ASPHD1: variants seen among roughly 807,000 people sequenced by gnomAD.
ASPHD1 encodes aspartate beta-hydroxylase domain containing 1, also known as aspartate beta-hydroxylase domain-containing protein 1.
In ASPHD1, 20 loss-of-function variants were observed where a neutral mutation model predicts 28.3. That is an observed-to-expected ratio of 0.71 (90% CI 0.50 to 1.03). The LOEUF is 1.03. ASPHD1 is among the 50% of genes least tolerant of loss of function. ASPHD1 has a pLI of 0.00. For synonymous variants in ASPHD1, 240 were observed against 221.2 expected (o/e 1.08, Z -0.75); for missense variants, 479 against 524.1 (o/e 0.91, Z 0.84).
rs774046142 is a variant in ASPHD1, at chr16:29,901,586, C to T, written c.615C>T (p.Ala205=). ...LPSAPFVPRD[A]QRHDVELLES... ...CAGCCCCCTTTGTGCCGCGGGACGCCCAGCGGCACGACGTGGAGCTCCTGG... is the reference window on the plus strand; with the variant it reads ...CAGCCCCCTTTGTGCCGCGGGACGCTCAGCGGCACGACGTGGAGCTCCTGG... The change falls in exon 1 of 3, where the codon GCC becomes GCT. Residue 205 remains alanine (A), a synonymous_variant. Transcript: ENST00000308748. The surrounding 1 kb of genome is among the most constrained non-coding windows in gnomAD (Gnocchi z 5.1). 1.3e-6 allele frequency: 2 copies of T among 1,543,100 alleles called. No homozygotes were observed. Among genetic ancestry groups the T allele is most frequent in the East Asian group, 2.3e-5 (1 of 44,390 alleles).
In ASPHD1 at chr16:29,904,064, G is replaced by C. The variant is rs537834059; in HGVS notation, c.950-788G>C. 2.4e-4 allele frequency among the ~76,000 whole-genome samples: 37 copies of C among 152,080 alleles called. No homozygotes were observed. The South Asian group carries it at 6.4e-3, about 26-fold the overall frequency. On this transcript the variant is annotated intron_variant, in intron 1 of 2. Coordinates refer to ENST00000308748, the MANE Select transcript of ASPHD1 (RefSeq NM_181718.4). The stretch of plus-strand genomic sequence containing the variant: ...CTCATCCCTGAAATACCAGCACTTT[G>C]GGAGGCCAAAGCAGGAGGATTGCTT...
intron 3 of ASPHD1, chr16:29,911,680 A>G: frequency 1.2e-6 from 1 of 854,808 alleles, no homozygotes; most frequent in Non-Finnish European, 1.8e-6. Flanking sequence ...CAGGGGTAAG[A>G]GGCGAAGCCG....
At position 29,904,977 on chromosome 16, in the gene ASPHD1, C is replaced by T; in HGVS notation, c.1063+12C>T. 6.3e-7 allele frequency: 1 copy of T among 1,595,502 alleles called. No individual in the cohort carries two copies. The highest frequency in any genetic ancestry group is 1.3e-5 in the African/African-American group (1 of 74,520). The stretch of plus-strand genomic sequence containing the variant: ...AGTGGCTCACAATGGTAACGGGGTG[C>T]CCATTCTGCAGGGGGGATGAGGGAC... On this transcript the variant is annotated intron_variant, in intron 2 of 2. Transcript: ENST00000308748.
At chr16:29,903,280 C>A (rs1011209050) in intron 1 of ASPHD1, among the ~76,000 whole-genome samples, 3 of 151,922 alleles carry the variant, frequency 2.0e-5, no homozygotes, top group Non-Finnish European at 2.9e-5. Flanking sequence ...CACTTGAACT[C>A]GGGAGGCGGA....
chr16:29,905,249 A>C (rs774618297), intron 2 of ASPHD1: 4 of 331,700 alleles, frequency 1.2e-5, no homozygotes, highest in Non-Finnish European at 1.7e-5. Flanking sequence ...TGGGCAAAGG[A>C]CTTAACCTCC....
chr16:29,911,747 C>A, intron 3 of ASPHD1: 1 of 1,572,630 alleles, frequency 6.4e-7, no homozygotes, highest in Non-Finnish European at 8.7e-7. Flanking sequence ...GTGGCCCTCG[C>A]CTTGGGCAGA....
downstream of ASPHD1, chr16:29,906,299 C>T (rs2068610986): frequency 4.9e-6 from 1 of 202,686 alleles, no homozygotes; most frequent in South Asian, 7.6e-5. Context: ...CCTCCTAACA[C>T]AGGCATCTCC....
chr16:29,911,934 C>T (rs1183555949), intron 3 of ASPHD1: 17 of 1,609,118 alleles, frequency 1.1e-5, no homozygotes, highest in Non-Finnish European at 1.3e-5. Context: ...AGTGAGCCTC[C>T]ACCCTGCAGG....
chr16:29,918,688 G>A (rs1197546676), intron 3 of ASPHD1, among the ~76,000 whole-genome samples: 4 of 151,804 alleles, frequency 2.6e-5, no homozygotes, highest in Admixed American at 6.6e-5. Flanking sequence ...ATGGAGTCTC[G>A]CACTGTTGCC....
rs748760695 is a variant in ASPHD1 at position 29,901,209 on chromosome 16, C to T, written c.238C>T (p.Leu80Phe). 3 of 1,613,868 alleles carry T rather than the reference C, an allele frequency of 1.9e-6. No individual in the cohort carries two copies. Among genetic ancestry groups the T allele is most frequent in the South Asian group, 2.2e-5 (2 of 91,092 alleles). ...GCCACTACCCCTGGCCTCCTCGGCC[C>T]TCACCTTGCTCTTCGGGGCCCTCAC... ...PWPLPLASSA[L>F]TLLFGALTSL... is the part of the protein sequence containing the mutation. The change falls in exon 1 of 3, where the codon CTC (leucine) becomes TTC (phenylalanine). Residue 80 changes from leucine (L) to phenylalanine (F), a missense_variant. Leu to Phe is a conservative substitution (Grantham distance 22). Transcript: ENST00000308748. The surrounding 1 kb of genome is among the most constrained non-coding windows in gnomAD (Gnocchi z 5.1).
At chr16:29,910,868 T>C, downstream of ASPHD1, 1 of 957,360 alleles carries the variant, frequency 1.0e-6, no homozygotes. Context: ...CCCCAGGATC[T>C]GGCTCCTGCC....
In ASPHD1 at chr16:29,912,771, T is replaced by A. The variant is rs189397998; in HGVS notation, c.*63-6760T>A. 5.3e-4 allele frequency among the ~76,000 whole-genome samples: 81 copies of A among 152,344 alleles called. 3 individuals are homozygous for A. In the East Asian group the frequency reaches 0.011, roughly 21 times the overall value. On this transcript the variant is annotated intron_variant and NMD_transcript_variant, in intron 3 of 3. Coordinates refer to the ASPHD1 transcript ENST00000414952. ...TTCATTTTCTACACAGCAGTTAGTG[T>A]CTGACTTTTTCTAACTTTTTGTATT...
At chr16:29,903,569 C>G (rs1209154824) in intron 1 of ASPHD1, among the ~76,000 whole-genome samples, 1 of 152,144 alleles carries the variant, frequency 6.6e-6, no homozygotes, top group East Asian at 1.9e-4. Flanking sequence ...CCAATCATCT[C>G]CTGTGCTGCC....
Position 29,905,891 on chromosome 16 carries a change from C to T in ASPHD1, c.1167C>T (p.Asp389=), listed in dbSNP as rs574482161. ...CCCTCGACTTTGTCTTCGCCCCAGA[C>T]CCTTGAAGGAAGGTGCTCCCTTCAC... ...RQALDFVFAP[D]P The change falls in exon 3 of 3, where the codon GAC becomes GAT. Residue 389 remains aspartate (D), a synonymous_variant. Coordinates refer to ENST00000308748, the MANE Select transcript of ASPHD1 (RefSeq NM_181718.4). 136 of 1,612,384 alleles carry T rather than the reference C, an allele frequency of 8.4e-5. 3 individuals carry two copies. The South Asian group carries it at 1.4e-3, about 17-fold the overall frequency.
chr16:29,916,923 G>A lies in ASPHD1; in HGVS notation c.*63-2608G>A, dbSNP rs1305443258. ...GGGAGTCTGTGCTTGCTGTCGGCAG[G>A]GGCTTCAGTTCCTCACCAAGTGGAC... On this transcript the variant is annotated intron_variant and NMD_transcript_variant, in intron 3 of 3. Transcript: ENST00000414952. Among the ~76,000 whole-genome samples the A allele has an allele frequency of 4.6e-5, 7 of 152,246 alleles. No individual in the cohort carries two copies. The South Asian group carries it at 1.5e-3, about 32-fold the overall frequency.
chr16:29,915,899 C>T (rs1053075187), intron 3 of ASPHD1, among the ~76,000 whole-genome samples: 1 of 152,278 alleles, frequency 6.6e-6, no homozygotes, highest in South Asian at 2.1e-4. Flanking sequence ...TTTAACATCA[C>T]TTGTTATCTG....
chr16:29,907,132 G>A, downstream of ASPHD1: 1 of 1,545,892 alleles, frequency 6.5e-7, no homozygotes. Flanking sequence ...GCCGGCCCCA[G>A]CTCCTTCCTT....
downstream of ASPHD1, chr16:29,910,950 C>G (rs778424109): frequency 6.2e-7 from 1 of 1,601,102 alleles, no homozygotes; most frequent in South Asian, 1.1e-5. Flanking sequence ...CCCCCAGCCC[C>G]CAACATAGGC....
chr16:29,901,459 G>C lies in ASPHD1; in HGVS notation c.488G>C (p.Gly163Ala). The change falls in exon 1 of 3, where the codon GGT becomes GCT. Residue 163 changes from glycine (G) to alanine (A), a missense_variant. Coordinates refer to ENST00000308748, the MANE Select transcript of ASPHD1 (RefSeq NM_181718.4). This position sits in a 1 kb window ranked among gnomAD's most constrained non-coding sequence, Gnocchi z 5.1. ...AGGCGCTACTCCTGGGCTGGGATGGGTAGAGTGAGGCGGGCAGCTCAGGGT... is the reference window on the plus strand; with the variant it reads ...AGGCGCTACTCCTGGGCTGGGATGGCTAGAGTGAGGCGGGCAGCTCAGGGT... The part of the protein sequence containing the change: ...YARRYSWAGM[G>A]RVRRAAQGGP... The C allele has an allele frequency of 1.2e-6, 2 of 1,600,072 alleles. No homozygotes were observed. The highest frequency in any genetic ancestry group is 1.7e-6 in the Non-Finnish European group (2 of 1,174,576).
Sources: allele counts gnomAD v4.1 joint callset (sites outside exome capture counted in the v4.1 genomes callset), GRCh38; gene constraint gnomAD v4.1.1; non-coding constraint Gnocchi (gnomAD v3.1); transcripts MANE v1.5; gene names NCBI Gene and HGNC (gene_info 2026-07-23, HGNC 2026-07-21).